Variants in KCNMB2 observed in about 807,000 individuals in gnomAD.
The protein encoded by KCNMB2 is calcium-activated potassium channel subunit beta-2.
In KCNMB2, 9 loss-of-function variants were observed where a neutral mutation model predicts 24.5. The observed-to-expected ratio is 0.37, with a 90% CI of 0.22 to 0.64. The LOEUF is 0.64. Ranked by LOEUF, KCNMB2 falls within the 30% of genes least tolerant of loss-of-function variation. KCNMB2 has a pLI of 0.63. For missense variants in KCNMB2, 226 were observed against 284.3 expected (o/e 0.79, Z 1.47); for synonymous variants, 109 against 104.4 (o/e 1.04, Z -0.27).
chr3:178,648,700 A>G (rs935760044), intron 1 of KCNMB2, among the ~76,000 whole-genome samples: 1 of 152,226 alleles, frequency 6.6e-6, no homozygotes, highest in Non-Finnish European at 1.5e-5. Flanking sequence ...CTAGCTGGAC[A>G]TTCAATTTGC....
In KCNMB2 at chr3:178,842,802, C is replaced by T. The variant is rs774531908; in HGVS notation, c.573C>T (p.Tyr191=). 42 of 1,613,900 alleles carry T rather than the reference C, an allele frequency of 2.6e-5. No individual in the cohort carries two copies. The Admixed American group carries it at 4.0e-4, about 15-fold the overall frequency. ...AGAGTGTTATCCTAACAAAACTCTA[C>T]AGTTCCAACGTGCTGTTCCATTCAC... ...NQKSVILTKL[Y]SSNVLFHSLF... The change falls in exon 5 of 5, where the codon TAC becomes TAT. Residue 191 remains tyrosine (Y), a synonymous_variant. Transcript: ENST00000452583.
chr3:178,822,930 G>A (rs6789905), intron 2 of KCNMB2, among the ~76,000 whole-genome samples: 1 of 152,014 alleles, frequency 6.6e-6, no homozygotes, highest in Non-Finnish European at 1.5e-5. Flanking sequence ...CCTCCTTGCT[G>A]TCTTCTATCT....
At chr3:178,595,579 C>T (rs1052269437) in intron 1 of KCNMB2, among the ~76,000 whole-genome samples, 4 of 152,058 alleles carry the variant, frequency 2.6e-5, no homozygotes, top group Admixed American at 2.6e-4. Context: ...TTAGTGCTAA[C>T]GAGATCTGGT....
chr3:178,778,501 C>CACACACACA (rs914905947), intron 1 of KCNMB2, among the ~76,000 whole-genome samples: 1 of 143,086 alleles, frequency 7.0e-6, no homozygotes. Context: ...CACACACACA[C>CACACACACA]ACCTGTTCCA....
At chr3:178,757,994 T>C (rs1724220258) in intron 1 of KCNMB2, among the ~76,000 whole-genome samples, 2 of 3,192 alleles carry the variant, frequency 6.3e-4, no homozygotes, top group African/African-American at 2.8e-3. Context: ...GATATATATA[T>C]ATATCTAGAT....
intron 1 of KCNMB2, among the ~76,000 whole-genome samples, chr3:178,713,750 C>T (rs1484627500): frequency 6.6e-6 from 1 of 152,144 alleles, no homozygotes; most frequent in Non-Finnish European, 1.5e-5. Flanking sequence ...CCACACAAAG[C>T]CACCTTCACA....
chr3:178,759,616 C>CAT (rs1711620183), intron 1 of KCNMB2, among the ~76,000 whole-genome samples: 1 of 116,924 alleles, frequency 8.6e-6, no homozygotes. Context: ...GATATATATA[C>CAT]ATATATCTCT....
chr3:178,758,307 T>C lies in KCNMB2; in HGVS notation c.-67-49036T>C, dbSNP rs1248570482. Among the ~76,000 whole-genome samples, 13 of 25,998 alleles carry C rather than the reference T, an allele frequency of 5.0e-4. 3 individuals are homozygous for C. Among genetic ancestry groups the C allele is most frequent in the Non-Finnish European group, 7.6e-4 (13 of 17,038 alleles). 17.1% of individuals were successfully genotyped at this position (25,998 alleles called of 152,430 possible). A position where few individuals can be genotyped will look rare whatever the true frequency, so the allele number is the denominator to read the frequency against. ...CTCCAAGGGGATATATATATATATC[T>C]CCAAGGGGATATATATATATATATA... On this transcript the variant is annotated intron_variant, in intron 1 of 4. Transcript: ENST00000452583.
At chr3:178,777,107 T>G (rs146405561) in intron 1 of KCNMB2, among the ~76,000 whole-genome samples, 86 of 152,208 alleles carry the variant, frequency 5.7e-4, no homozygotes, top group Non-Finnish European at 5.9e-5. Flanking sequence ...GATTATGCCA[T>G]GTGAAGAATA....
At chr3:178,808,057 G>A (rs572661957) in intron 2 of KCNMB2, among the ~76,000 whole-genome samples, 18 of 152,142 alleles carry the variant, frequency 1.2e-4, no homozygotes, top group African/African-American at 4.1e-4. Context: ...AGGAAAAGAG[G>A]ACATACAAAT....
chr3:178,649,317 A>T (rs957162470), intron 1 of KCNMB2, among the ~76,000 whole-genome samples: 1 of 152,104 alleles, frequency 6.6e-6, no homozygotes, highest in Non-Finnish European at 1.5e-5. Flanking sequence ...ATCACCTTCT[A>T]TTCTTTTCAT....
At chr3:178,596,843 T>C (rs969439416) in intron 1 of KCNMB2, among the ~76,000 whole-genome samples, 2 of 152,132 alleles carry the variant, frequency 1.3e-5, no homozygotes, top group Non-Finnish European at 2.9e-5. Context: ...ACTAAATCTG[T>C]CTCTCAAACA....
chr3:178,823,285 T>C (rs73053744), intron 2 of KCNMB2, among the ~76,000 whole-genome samples: 3,922 of 152,182 alleles, frequency 0.026, 158 homozygotes, highest in African/African-American at 0.089. Flanking sequence ...TCCAGAGGCA[T>C]TGGGATTGGG....
intron 1 of KCNMB2, chr3:178,748,935 T>C (rs1560000638): frequency 1.3e-5 from 2 of 152,220 alleles, no homozygotes; most frequent in Non-Finnish European, 2.9e-5. Flanking sequence ...GGCAAGTAAT[T>C]GTGACCATAA....
At chr3:178,551,203 AG>A (rs1715941419) in intron 1 of KCNMB2, among the ~76,000 whole-genome samples, 1 of 152,312 alleles carries the variant, frequency 6.6e-6, no homozygotes, top group South Asian at 2.1e-4. Flanking sequence ...TTCTTCCCAG[AG>A]GCTGGCTGTG....
intron 1 of KCNMB2, among the ~76,000 whole-genome samples, chr3:178,543,317 T>A (rs1228749127): frequency 6.6e-6 from 1 of 152,220 alleles, no homozygotes; most frequent in Non-Finnish European, 1.5e-5. Context: ...ATAATTCACA[T>A]ACCTGGGACA....
At chr3:178,783,886 T>C (rs1223409891) in intron 1 of KCNMB2, among the ~76,000 whole-genome samples, 1 of 152,212 alleles carries the variant, frequency 6.6e-6, no homozygotes, top group African/African-American at 2.4e-5. Flanking sequence ...TCAAAGGGAA[T>C]GCTTCCAGTT....
chr3:178,607,089 C>T (rs1467796990), intron 1 of KCNMB2, among the ~76,000 whole-genome samples: 1 of 152,178 alleles, frequency 6.6e-6, no homozygotes, highest in Non-Finnish European at 1.5e-5. Context: ...TAGACTAAAA[C>T]AGGACCAGGT....
At chr3:178,687,000 A>AGGTTTAGAT (rs1721494028) in intron 1 of KCNMB2, among the ~76,000 whole-genome samples, 1 of 152,172 alleles carries the variant, frequency 6.6e-6, no homozygotes, top group Non-Finnish European at 1.5e-5. Flanking sequence ...ATCTATGAAT[A>AGGTTTAGAT]GGTTTAGATG....
Sources: allele counts gnomAD v4.1 joint callset (sites outside exome capture counted in the v4.1 genomes callset), GRCh38; gene constraint gnomAD v4.1.1; transcripts MANE v1.5; gene names NCBI Gene and HGNC (gene_info 2026-07-23, HGNC 2026-07-21).